GPC5: variants seen among roughly 807,000 people sequenced by gnomAD.
GPC5 encodes the protein glypican-5.
Under a neutral mutation model 53.9 loss-of-function variants are expected in GPC5, and 47 were observed. The observed-to-expected ratio is 0.87, with a 90% CI of 0.69 to 1.11. GPC5 has a LOEUF of 1.11. Among genes scored for constraint, GPC5 ranks in the 50% most tolerant of loss-of-function variants. The probability of loss-of-function intolerance (pLI) is 0.00; values close to 1 mark genes in which losing one functional copy is unlikely to be tolerated. For missense variants in GPC5, 748 were observed against 713.1 expected, an observed-to-expected ratio of 1.05 and a Z score of -0.56; for synonymous variants, 286 against 263.3, an observed-to-expected ratio of 1.09 and a Z score of -0.84.
chr13:92,502,369 C>T (rs1880217774), intron 7 of GPC5, among the ~76,000 whole-genome samples: 1 of 151,672 alleles, frequency 6.6e-6, no homozygotes, highest in African/African-American at 2.4e-5. Context: ...TAAATCTAAG[C>T]ATATCAATAA....
intron 1 of GPC5, among the ~76,000 whole-genome samples, chr13:91,432,225 G>C (rs1344576287): frequency 6.7e-6 from 1 of 150,310 alleles, no homozygotes; most frequent in African/African-American, 2.5e-5. Context: ...GTGTGTGTGT[G>C]TGTGTGTGTG....
At chr13:91,608,345 A>G (rs1418481041) in intron 2 of GPC5, among the ~76,000 whole-genome samples, 6 of 152,248 alleles carry the variant, frequency 3.9e-5, no homozygotes, top group Non-Finnish European at 5.9e-5. Flanking sequence ...GGGCTGGAGT[A>G]CAATAGTGAA....
chr13:92,405,229 G>A (rs1220072788), intron 7 of GPC5, among the ~76,000 whole-genome samples: 4 of 152,118 alleles, frequency 2.6e-5, no homozygotes, highest in African/African-American at 7.2e-5. Flanking sequence ...GCCATCCATC[G>A]GAGGGCACAG....
intron 7 of GPC5, among the ~76,000 whole-genome samples, chr13:92,638,838 T>A (rs1460170542): frequency 2.0e-5 from 3 of 152,218 alleles, no homozygotes; most frequent in Non-Finnish European, 4.4e-5. Flanking sequence ...GGTTTACATC[T>A]CAGCAATTTC....
chr13:91,948,294 T>A (rs2039994384), intron 6 of GPC5, among the ~76,000 whole-genome samples: 1 of 151,518 alleles, frequency 6.6e-6, no homozygotes, highest in Non-Finnish European at 1.5e-5. Flanking sequence ...GCTTATTCAT[T>A]ACGTTACTAA....
intron 5 of GPC5, among the ~76,000 whole-genome samples, chr13:91,778,630 T>C (rs1835306349): frequency 1.3e-5 from 2 of 152,230 alleles, no homozygotes; most frequent in Non-Finnish European, 1.5e-5. Context: ...AACTTCAAGC[T>C]TCTGTGCTTG....
intron 4 of GPC5, among the ~76,000 whole-genome samples, chr13:91,735,895 T>C (rs1414568063): frequency 2.0e-5 from 3 of 151,270 alleles, no homozygotes; most frequent in Non-Finnish European, 4.4e-5. Context: ...TATCCACATC[T>C]AGGAAAAATG....
intron 2 of GPC5, among the ~76,000 whole-genome samples, chr13:91,478,340 T>C (rs1317184220): frequency 1.3e-5 from 2 of 152,116 alleles, no homozygotes; most frequent in African/African-American, 2.4e-5. Context: ...TTATGAAATG[T>C]ACAAATCCCT....
At chr13:91,570,238 T>C (rs991163089) in intron 2 of GPC5, among the ~76,000 whole-genome samples, 1 of 152,198 alleles carries the variant, frequency 6.6e-6, no homozygotes, top group Non-Finnish European at 1.5e-5. Flanking sequence ...TTAAAAATTT[T>C]CAGACATGCA....
At chr13:92,417,158 A>T (rs1183080976) in intron 7 of GPC5, among the ~76,000 whole-genome samples, 1 of 152,226 alleles carries the variant, frequency 6.6e-6, no homozygotes, top group Non-Finnish European at 1.5e-5. Flanking sequence ...ACTGTAATTA[A>T]GTTGGGGACC....
chr13:91,633,377 G>GTTC (rs749136665), intron 2 of GPC5, among the ~76,000 whole-genome samples: 19 of 152,206 alleles, frequency 1.2e-4, no homozygotes, highest in Middle Eastern at 3.4e-3. Context: ...TAAGTACTGG[G>GTTC]TTCTAGGAAT....
chr13:91,410,512 ATT>A (rs34699716), intron 1 of GPC5, among the ~76,000 whole-genome samples: 1 of 150,884 alleles, frequency 6.6e-6, no homozygotes, highest in Non-Finnish European at 1.5e-5. Context: ...CACCTGGCTA[ATT>A]TTTTTGTATT....
At chr13:92,853,435 T>C (rs557540084) in intron 7 of GPC5, among the ~76,000 whole-genome samples, 1 of 152,162 alleles carries the variant, frequency 6.6e-6, no homozygotes, top group Admixed American at 6.5e-5. Context: ...ATAGGATATA[T>C]AGGGTTTGTC....
At chr13:91,682,454 A>G (rs1187573059) in intron 2 of GPC5, among the ~76,000 whole-genome samples, 1 of 152,192 alleles carries the variant, frequency 6.6e-6, no homozygotes, top group African/African-American at 2.4e-5. Flanking sequence ...GATAGGTGCC[A>G]TTATTATACC....
At chr13:92,471,540 A>AC (rs34650198) in intron 7 of GPC5, among the ~76,000 whole-genome samples, 58,760 of 151,886 alleles carry the variant, frequency 0.39, 12,621 homozygotes, top group African/African-American at 0.55. Context: ...AGGAACGTAC[A>AC]TCTGGCAGAG....
At chr13:92,492,894 A>G (rs1361758419) in intron 7 of GPC5, among the ~76,000 whole-genome samples, 5 of 152,204 alleles carry the variant, frequency 3.3e-5, no homozygotes, top group Non-Finnish European at 5.9e-5. Context: ...ACTTCTTATC[A>G]GGAAGATGGG....
At chr13:92,252,158 G>A (rs1285350582) in intron 7 of GPC5, among the ~76,000 whole-genome samples, 1 of 152,080 alleles carries the variant, frequency 6.6e-6, no homozygotes, top group African/African-American at 2.4e-5. Flanking sequence ...ACACATGACT[G>A]GCCTCTGTGA....
intron 7 of GPC5, among the ~76,000 whole-genome samples, chr13:92,762,405 A>G (rs1875220996): frequency 6.6e-6 from 1 of 152,176 alleles, no homozygotes; most frequent in African/African-American, 2.4e-5. Flanking sequence ...ACTATAACAT[A>G]CATAAATGGT....
At chr13:92,093,349 G>T in intron 6 of GPC5, among the ~76,000 whole-genome samples, 1 of 151,970 alleles carries the variant, frequency 6.6e-6, no homozygotes, top group African/African-American at 2.4e-5. Flanking sequence ...TTCTTTCCAA[G>T]ACAAATATAC....
Sources: allele counts gnomAD v4.1 joint callset (sites outside exome capture counted in the v4.1 genomes callset), GRCh38; gene constraint gnomAD v4.1.1; transcripts MANE v1.5; gene names NCBI Gene and HGNC (gene_info 2026-07-23, HGNC 2026-07-21).